Variants in CLYBL observed in about 807,000 individuals in gnomAD.
The protein encoded by CLYBL is citramalyl-CoA lyase, mitochondrial.
A neutral mutation model predicts 38.9 loss-of-function variants in CLYBL; 31 were observed. The ratio of observed to expected loss-of-function variants is 0.80; its 90% confidence interval spans 0.60 to 1.08. The LOEUF is 1.08. CLYBL is among the 50% of genes least tolerant of loss of function. CLYBL has a pLI of 0.00. For synonymous variants in CLYBL, 171 were observed against 158.6 expected, an observed-to-expected ratio of 1.08 and a Z score of -0.59; for missense variants, 434 against 411.6, an observed-to-expected ratio of 1.05 and a Z score of -0.47.
chr13:99,729,859 C>T (rs1050586414), intron 1 of CLYBL, among the ~76,000 whole-genome samples: 5 of 148,534 alleles, frequency 3.4e-5, no homozygotes, highest in African/African-American at 4.9e-5. Flanking sequence ...CCCTTCCCCC[C>T]GCCAGCCTCG....
intron 2 of CLYBL, among the ~76,000 whole-genome samples, chr13:99,794,793 T>C (rs758106916): frequency 2.0e-5 from 3 of 152,008 alleles, no homozygotes; most frequent in Non-Finnish European, 4.4e-5. Flanking sequence ...GATTTCACCA[T>C]GTTGGCCAGG....
At chr13:99,870,583 C>T (rs2051862831) in intron 6 of CLYBL, among the ~76,000 whole-genome samples, 1 of 152,142 alleles carries the variant, frequency 6.6e-6, no homozygotes, top group Non-Finnish European at 1.5e-5. Flanking sequence ...TCAAAATAAT[C>T]CCTCTAATTT....
At chr13:99,770,080 CT>C (rs3033589) in intron 1 of CLYBL, among the ~76,000 whole-genome samples, 2,224 of 103,140 alleles carry the variant, frequency 0.022, 36 homozygotes, top group African/African-American at 0.071. Context: ...TCTTTTCTTT[CT>C]TTTTTTTTTT....
At chr13:99,624,702 C>T (rs888623401) in intron 1 of CLYBL, among the ~76,000 whole-genome samples, 1 of 152,140 alleles carries the variant, frequency 6.6e-6, no homozygotes, top group Admixed American at 6.5e-5. Context: ...AGAGCTTGGC[C>T]AGTCTGAGTC....
chr13:99,843,198 C>T (rs1331276476), intron 2 of CLYBL, among the ~76,000 whole-genome samples: 1 of 152,098 alleles, frequency 6.6e-6, no homozygotes, highest in East Asian at 1.9e-4. Flanking sequence ...GGTAATTTGG[C>T]CTGGCATTTC....
chr13:99,733,322 A>G (rs577369336), intron 1 of CLYBL, among the ~76,000 whole-genome samples: 1 of 152,304 alleles, frequency 6.6e-6, no homozygotes, highest in Admixed American at 6.5e-5. Flanking sequence ...CTACCAGGGA[A>G]ATTAACAGAC....
intron 1 of CLYBL, among the ~76,000 whole-genome samples, chr13:99,707,878 A>T (rs991102167): frequency 3.9e-5 from 6 of 152,202 alleles, no homozygotes; most frequent in Non-Finnish European, 1.5e-5. Flanking sequence ...GTCTTCTACC[A>T]CCAAACAGAT....
At position 99,858,917 on chromosome 13, in the gene CLYBL, T is replaced by A; in HGVS notation, c.306T>A (p.Thr102=). The A allele has an allele frequency of 6.2e-7, 1 of 1,613,984 alleles. No individual in the cohort carries two copies. The highest frequency in any genetic ancestry group is 1.7e-4 in the Middle Eastern group (1 of 6,060). Reference sequence around the variant, plus strand: ...TTGAAGACATTGATCTGGGCCCTACTGAAAAATGTGTGAGAGTCAACTCAG... The same window carrying A: ...TTGAAGACATTGATCTGGGCCCTACAGAAAAATGTGTGAGAGTCAACTCAG... ...KTLEDIDLGP[T]EKCVRVNSVS... Residue 102 remains threonine, a synonymous_variant, in exon 3 of 9, where the codon ACT becomes ACA. Coordinates refer to ENST00000339105, the MANE Select transcript of CLYBL (RefSeq NM_206808.5).
At chr13:99,759,313 A>C (rs1449809633) in intron 1 of CLYBL, among the ~76,000 whole-genome samples, 2 of 152,214 alleles carry the variant, frequency 1.3e-5, no homozygotes, top group Admixed American at 1.3e-4. Context: ...AGCAGGGGAT[A>C]AACAGAGGAG....
At chr13:99,831,035 TCAGACACAGAGGAGAAGA>T (rs2050793681) in intron 2 of CLYBL, among the ~76,000 whole-genome samples, 2 of 150,116 alleles carry the variant, frequency 1.3e-5, no homozygotes, top group South Asian at 2.1e-4. Flanking sequence ...AGAAGAGAAG[TCAGACACAGAGGAGAAGA>T]CAGACACAGA....
intron 2 of CLYBL, among the ~76,000 whole-genome samples, chr13:99,838,604 TC>T (rs2050993815): frequency 6.6e-6 from 1 of 152,206 alleles, no homozygotes; most frequent in Non-Finnish European, 1.5e-5. Context: ...GCTGTAATCT[TC>T]CCATATTACT....
At chr13:99,616,013 T>C (rs1403938331) in intron 1 of CLYBL, among the ~76,000 whole-genome samples, 1 of 152,012 alleles carries the variant, frequency 6.6e-6, no homozygotes, top group African/African-American at 2.4e-5. Flanking sequence ...TTTTTATTTT[T>C]ATTTTTTATT....
chr13:99,850,122 A>G (rs2051297803), intron 2 of CLYBL, among the ~76,000 whole-genome samples: 1 of 152,222 alleles, frequency 6.6e-6, no homozygotes, highest in African/African-American at 2.4e-5. Flanking sequence ...CAAAAGTGCA[A>G]TCAACAGAAG....
chr13:99,846,286 A>ATTTTTTTT (rs5806139), intron 2 of CLYBL, among the ~76,000 whole-genome samples: 4 of 108,140 alleles, frequency 3.7e-5, no homozygotes, highest in Non-Finnish European at 3.7e-5. Flanking sequence ...TTGTGTGGAG[A>ATTTTTTTT]TTTTTTTTTT....
At chr13:99,858,218 A>T (rs886066862) in intron 2 of CLYBL, among the ~76,000 whole-genome samples, 1 of 152,164 alleles carries the variant, frequency 6.6e-6, no homozygotes, top group African/African-American at 2.4e-5. Flanking sequence ...AAAAAAAAGT[A>T]TTTGTCAAGC....
intron 1 of CLYBL, among the ~76,000 whole-genome samples, chr13:99,728,302 G>C (rs1323495287): frequency 1.5e-5 from 2 of 134,640 alleles, no homozygotes; most frequent in South Asian, 4.7e-4. Flanking sequence ...TTTTTGAGAT[G>C]GAGTCTCACT....
At chr13:99,646,627 C>T (rs1158257977) in intron 1 of CLYBL, among the ~76,000 whole-genome samples, 1 of 151,074 alleles carries the variant, frequency 6.6e-6, no homozygotes, top group Admixed American at 6.6e-5. Context: ...AATTCTCTGC[C>T]TCAGCCTCCT....
At chr13:99,731,925 C>T (rs796702793) in intron 1 of CLYBL, among the ~76,000 whole-genome samples, 3 of 152,246 alleles carry the variant, frequency 2.0e-5, no homozygotes, top group African/African-American at 7.2e-5. Context: ...TTGCTTCTCC[C>T]CTGGAGGCTG....
chr13:99,878,290 T>G (rs1434308229), intron 7 of CLYBL, among the ~76,000 whole-genome samples: 2 of 152,254 alleles, frequency 1.3e-5, no homozygotes, highest in African/African-American at 4.8e-5. Context: ...AGTAAATCTT[T>G]CAGTCTCTTC....
Sources: gnomAD v4.1 joint callset for allele counts (sites outside exome capture counted in the v4.1 genomes callset) on GRCh38, gnomAD v4.1.1 for gene constraint, MANE v1.5 for transcripts, NCBI Gene and HGNC (gene_info 2026-07-23, HGNC 2026-07-21) for gene names.